SPATA7: variants seen among roughly 807,000 people sequenced by gnomAD.
SPATA7 encodes spermatogenesis-associated protein 7.
Under a neutral mutation model 51.8 loss-of-function variants are expected in SPATA7, and 43 were observed. The observed-to-expected ratio is 0.83, with a 90% CI of 0.65 to 1.07. The LOEUF is 1.07. Ranked by LOEUF, SPATA7 falls within the 50% of genes least tolerant of loss-of-function variation. SPATA7 has a pLI of 0.00. For missense variants in SPATA7, 683 were observed against 701.3 expected, an observed-to-expected ratio of 0.97 and a Z score of 0.30; for synonymous variants, 230 against 252.8, an observed-to-expected ratio of 0.91 and a Z score of 0.86.
chr14:88,418,983 G>A (rs2076562428), intron 5 of SPATA7, among the ~76,000 whole-genome samples: 2 of 152,146 alleles, frequency 1.3e-5, no homozygotes, highest in East Asian at 1.9e-4. Context: ...TTTTAAAAAT[G>A]TCCTGTCATT....
chr14:88,459,435 A>G (rs544772975), downstream of SPATA7, among the ~76,000 whole-genome samples: 6 of 152,240 alleles, frequency 3.9e-5, no homozygotes, highest in Non-Finnish European at 5.9e-5. Context: ...GTTTAGGATA[A>G]TTAGCTCTTC....
intron 5 of SPATA7, among the ~76,000 whole-genome samples, chr14:88,417,461 G>A (rs10152062): frequency 0.015 from 2,261 of 151,582 alleles, 51 homozygotes; most frequent in African/African-American, 0.047. Flanking sequence ...CACCCACCAC[G>A]ACTCCAGCTA....
downstream of SPATA7, among the ~76,000 whole-genome samples, chr14:88,439,066 C>T (rs2077160343): frequency 6.6e-6 from 1 of 152,176 alleles, no homozygotes. Flanking sequence ...TCTAAAATCA[C>T]TTTTCAGAGG....
In SPATA7 at chr14:88,418,065, A is replaced by G. The variant is rs533671954; in HGVS notation, c.372+1221A>G. Among the ~76,000 whole-genome samples, 5 of 152,344 alleles carry G rather than the reference A, an allele frequency of 3.3e-5. No homozygotes were observed. The South Asian group carries it at 1.0e-3, about 32-fold the overall frequency. Reference sequence around the variant, plus strand: ...GTAAATTTTTGGCAGAGAATTGTTCATACTATTCTCTTAATCTCTTCTGAA... The same window carrying G: ...GTAAATTTTTGGCAGAGAATTGTTCGTACTATTCTCTTAATCTCTTCTGAA... On this transcript the variant is annotated intron_variant, in intron 5 of 11. Coordinates refer to ENST00000393545, the MANE Select transcript of SPATA7 (RefSeq NM_018418.5).
chr14:88,419,597 G>A (rs2076582055), intron 5 of SPATA7, among the ~76,000 whole-genome samples: 1 of 150,810 alleles, frequency 6.6e-6, no homozygotes. Flanking sequence ...CGCTATCTTG[G>A]CTCACTGCAA....
Position 88,426,487 on chromosome 14 carries a change from T to G in SPATA7, c.628T>G (p.Ser210Ala). The change falls in exon 6 of 12, where the codon TCC becomes GCC. Residue 210 changes from serine to alanine, a missense_variant. Physicochemically the swap from Ser to Ala is moderately conservative, Grantham distance 99. Coordinates refer to ENST00000393545, the MANE Select transcript of SPATA7 (RefSeq NM_018418.5). ...AAGGCCCAGAAGCACATTCCCAAAT[T>G]CCCACCGGTTTCAGTTAGTCATTTC... ...GRRPRSTFPN[S>A]HRFQLVISKA... is the part of the protein sequence containing the mutation. 1.2e-6 allele frequency: 2 copies of G among 1,614,124 alleles called. No homozygotes were observed. Among genetic ancestry groups the G allele is most frequent in the Middle Eastern group, 3.3e-4 (2 of 6,062 alleles).
In SPATA7 at chr14:88,426,669, T is replaced by G; in HGVS notation, c.810T>G (p.Asp270Glu). Residue 270 changes from aspartate (D) to glutamate (E), a missense_variant, in exon 6 of 12, where the codon GAT (aspartate) becomes GAG (glutamate). By Grantham distance (45) the Asp-to-Glu change is conservative. Coordinates refer to ENST00000393545, the MANE Select transcript of SPATA7 (RefSeq NM_018418.5). ...CCAAAAGAAAAAAGGATTTTACAGATCAACGGATAGAAGCTGAAACCCAGA... is the reference window on the plus strand; with the variant it reads ...CCAAAAGAAAAAAGGATTTTACAGAGCAACGGATAGAAGCTGAAACCCAGA... ...TPAKRKKDFTDQRIEAETQTE... is the reference protein window; with the variant it reads ...TPAKRKKDFTEQRIEAETQTE... 6.2e-7 allele frequency: 1 copy of G among 1,613,496 alleles called. No homozygotes were observed. The highest frequency in any genetic ancestry group is 8.5e-7 in the Non-Finnish European group (1 of 1,179,994).
intron 4 of SPATA7, chr14:88,415,202 T>C: frequency 3.1e-6 from 1 of 324,292 alleles, no homozygotes; most frequent in Admixed American, 2.8e-5. Flanking sequence ...AATCTTTTCA[T>C]AGGTCTAGAA....
At chr14:88,444,641 C>T (rs1181970368) in intron 3 of SPATA7, among the ~76,000 whole-genome samples, 2 of 152,084 alleles carry the variant, frequency 1.3e-5, no homozygotes, top group Non-Finnish European at 2.9e-5. Flanking sequence ...GTCTTTAATC[C>T]ATCCTGAACT....
rs779101498 is a variant in SPATA7, at chr14:88,437,542, G to C, written c.1161-1G>C. 5 of 1,608,068 alleles carry C rather than the reference G, an allele frequency of 3.1e-6. No individual in the cohort carries two copies. Among genetic ancestry groups the C allele is most frequent in the Non-Finnish European group, 4.3e-6 (5 of 1,175,836 alleles). On this transcript the variant is annotated splice_acceptor_variant, in intron 10 of 11. Coordinates refer to ENST00000393545, the MANE Select transcript of SPATA7 (RefSeq NM_018418.5). LOFTEE classifies it high-confidence loss of function. ...TTAACATTTTTGTTTATCATTTGTA[G>C]GTTTTTAGAACGACTGTTCGAGCGA...
intron 3 of SPATA7, among the ~76,000 whole-genome samples, chr14:88,449,466 AT>A (rs2077236008): frequency 6.6e-6 from 1 of 152,146 alleles, no homozygotes; most frequent in Non-Finnish European, 1.5e-5. Context: ...ATTTTTTAAA[AT>A]GTGTTGAGAC....
At chr14:88,406,153 T>C (rs897632830) in intron 4 of SPATA7, among the ~76,000 whole-genome samples, 3 of 152,180 alleles carry the variant, frequency 2.0e-5, no homozygotes, top group African/African-American at 4.8e-5. Flanking sequence ...TCTGTTTTTA[T>C]AAGCTACTCT....
chr14:88,397,427 G>GA (rs2075917505), intron 4 of SPATA7, among the ~76,000 whole-genome samples: 1 of 152,002 alleles, frequency 6.6e-6, no homozygotes, highest in Non-Finnish European at 1.5e-5. Flanking sequence ...TGGATCACTT[G>GA]AGCCCAGGCA....
At chr14:88,463,185 C>A (rs2077328168) in intron 4 of SPATA7, among the ~76,000 whole-genome samples, 1 of 152,064 alleles carries the variant, frequency 6.6e-6, no homozygotes, top group South Asian at 2.1e-4. Flanking sequence ...TCCCTTACTT[C>A]CCATTTCAAG....
intron 4 of SPATA7, among the ~76,000 whole-genome samples, chr14:88,415,469 G>A (rs2076450793): frequency 6.7e-6 from 1 of 149,912 alleles, no homozygotes; most frequent in Admixed American, 6.6e-5. Context: ...CTTGAAGATA[G>A]TAGAAGGTTG....
intron 1 of SPATA7, 69 bp from the exon 2 acceptor site, chr14:88,391,312 A>G: frequency 2.5e-6 from 3 of 1,197,856 alleles, no homozygotes; most frequent in Non-Finnish European, 3.6e-6. Flanking sequence ...AAAAATATTG[A>G]ATATTGTTGT....
intron 4 of SPATA7, chr14:88,406,572 T>G (rs900218964): frequency 6.6e-6 from 1 of 152,150 alleles, no homozygotes; most frequent in Admixed American, 6.6e-5. Context: ...TACAGTTTCT[T>G]TAGAGAAGAA....
At chr14:88,397,452 A>G (rs2075918571) in intron 4 of SPATA7, among the ~76,000 whole-genome samples, 1 of 152,060 alleles carries the variant, frequency 6.6e-6, no homozygotes. Flanking sequence ...AGAGTAGCCT[A>G]GGCAACATGG....
intron 1 of SPATA7, among the ~76,000 whole-genome samples, chr14:88,390,403 G>A (rs112417610): frequency 5.8e-4 from 89 of 152,160 alleles, no homozygotes; most frequent in African/African-American, 2.0e-3. Flanking sequence ...TCTCAGACAG[G>A]TTCCTTTATA....
Sources: gnomAD v4.1 joint callset for allele counts (sites outside exome capture counted in the v4.1 genomes callset) on GRCh38, gnomAD v4.1.1 for gene constraint, MANE v1.5 for transcripts, NCBI Gene and HGNC (gene_info 2026-07-23, HGNC 2026-07-21) for gene names.